The following GALNT13 variants were observed in gnomAD, a reference collection of about 807,000 sequenced individuals.
The protein encoded by GALNT13 is polypeptide N-acetylgalactosaminyltransferase 13, also known as UDP-GalNAc:polypeptide N-acetylgalactosaminyltransferase 13.
In GALNT13, 28 loss-of-function variants were observed where a neutral mutation model predicts 64.2. The observed-to-expected ratio is 0.44, with a 90% CI of 0.32 to 0.60. The LOEUF (loss-of-function observed/expected upper bound fraction) is 0.60. Among genes scored for constraint, GALNT13 ranks in the 20% least tolerant of loss-of-function variants. GALNT13 has a pLI of 0.05. For synonymous variants in GALNT13, 214 were observed against 224.6 expected (o/e 0.95, Z 0.42); for missense variants, 577 against 669.8 (o/e 0.86, Z 1.53).
At chr2:153,566,348 G>GTTTTTTTTTTTTTTTTTTTTTTT in the GALNT13 span, among the ~76,000 whole-genome samples, 133 of 74,790 alleles carry the variant, frequency 1.8e-3, 11 homozygotes, top group East Asian at 4.7e-3. Context: ...TTCTAATCAC[G>GTTTTTTTTTTTTTTTTTTTTTTT]TTTTTTTTTT....
the GALNT13 span, among the ~76,000 whole-genome samples, chr2:153,613,260 T>A: frequency 6.6e-6 from 1 of 152,178 alleles, no homozygotes; most frequent in African/African-American, 2.4e-5. Context: ...GGGCAAGAGA[T>A]CAAAGAGATT....
chr2:154,250,750 C>A (rs1248743224), intron 7 of GALNT13, among the ~76,000 whole-genome samples: 3 of 151,884 alleles, frequency 2.0e-5, no homozygotes, highest in African/African-American at 7.3e-5. Flanking sequence ...TAATTTTTAT[C>A]AGATTGTATT....
At chr2:153,618,433 T>C in the GALNT13 span, among the ~76,000 whole-genome samples, 1 of 151,942 alleles carries the variant, frequency 6.6e-6, no homozygotes, top group Non-Finnish European at 1.5e-5. Context: ...CATATTTTAT[T>C]ACCTAAAATA....
chr2:153,128,615 A>T, the GALNT13 span, among the ~76,000 whole-genome samples: 1 of 152,196 alleles, frequency 6.6e-6, no homozygotes, highest in African/African-American at 2.4e-5. Flanking sequence ...CACTCTAGTT[A>T]TATGTAAAAG....
At chr2:153,723,063 T>C in the GALNT13 span, among the ~76,000 whole-genome samples, 4 of 151,278 alleles carry the variant, frequency 2.6e-5, no homozygotes, top group Admixed American at 2.6e-4. Context: ...AATAAAATAC[T>C]GGCAAACCGA....
the GALNT13 span, among the ~76,000 whole-genome samples, chr2:153,307,170 C>T: frequency 6.6e-6 from 1 of 152,142 alleles, no homozygotes; most frequent in African/African-American, 2.4e-5. Flanking sequence ...AAACATAAAG[C>T]ATCAATTAAT....
At chr2:153,692,931 G>T in the GALNT13 span, among the ~76,000 whole-genome samples, 1 of 152,044 alleles carries the variant, frequency 6.6e-6, no homozygotes, top group Non-Finnish European at 1.5e-5. Context: ...CAGATAAAAG[G>T]CTTATGCTGA....
chr2:153,988,244 T>C (rs1694935416), intron 3 of GALNT13, among the ~76,000 whole-genome samples: 1 of 151,954 alleles, frequency 6.6e-6, no homozygotes. Context: ...ATAGTCATCC[T>C]GCTGTACAAT....
the GALNT13 span, among the ~76,000 whole-genome samples, chr2:153,377,435 G>C: frequency 6.6e-6 from 1 of 152,086 alleles, no homozygotes; most frequent in Non-Finnish European, 1.5e-5. Context: ...TTTTGGTCAT[G>C]AGGGTGGATC....
rs946798549 is a variant in GALNT13 at position 154,049,463 on chromosome 2, GTA to G, written c.143-90864_143-90863del. Among the ~76,000 whole-genome samples, 74 of 142,010 alleles carry G rather than the reference GTA, an allele frequency of 5.2e-4. No individual in the cohort carries two copies. The Middle Eastern group carries it at 0.012, about 22-fold the overall frequency. The allele number at this position is 142,010 out of a possible 152,430, so 93.2% of individuals were successfully genotyped here. A position where few individuals can be genotyped will look rare whatever the true frequency, so the allele number is the denominator to read the frequency against. Reference sequence around the variant, plus strand: ...TTCATTGTGATATATATATATAATGGTATATATATATTTCACTGTGATATGAA... The same window carrying G: ...TTCATTGTGATATATATATATAATGGTATATATATTTCACTGTGATATGAA... On this transcript the variant is annotated intron_variant, in intron 3 of 12. Coordinates refer to ENST00000392825, the MANE Select transcript of GALNT13 (RefSeq NM_052917.4).
the GALNT13 span, among the ~76,000 whole-genome samples, chr2:153,702,650 C>T: frequency 1.3e-5 from 2 of 151,862 alleles, no homozygotes; most frequent in Non-Finnish European, 2.9e-5. Context: ...AAGTTTTTGG[C>T]TAGAACAACA....
At chr2:153,463,525 C>T in the GALNT13 span, among the ~76,000 whole-genome samples, 3 of 152,060 alleles carry the variant, frequency 2.0e-5, no homozygotes, top group Admixed American at 2.0e-4. Flanking sequence ...GCCTGCAGAA[C>T]CCCTCAATCC....
the GALNT13 span, among the ~76,000 whole-genome samples, chr2:153,412,172 G>A: frequency 6.6e-6 from 1 of 152,032 alleles, no homozygotes; most frequent in African/African-American, 2.4e-5. Flanking sequence ...CCTATTGTGA[G>A]ACCTATATCT....
chr2:153,107,877 A>T, the GALNT13 span, among the ~76,000 whole-genome samples: 1 of 152,182 alleles, frequency 6.6e-6, no homozygotes, highest in African/African-American at 2.4e-5. Context: ...ATAAAAATAC[A>T]TATGTATAAT....
chr2:153,088,580 C>A, the GALNT13 span, among the ~76,000 whole-genome samples: 1 of 152,046 alleles, frequency 6.6e-6, no homozygotes, highest in Non-Finnish European at 1.5e-5. Context: ...CCACTATTAT[C>A]GTGTTGTCAC....
chr2:153,128,367 A>G, the GALNT13 span, among the ~76,000 whole-genome samples: 6 of 152,178 alleles, frequency 3.9e-5, no homozygotes, highest in Non-Finnish European at 7.3e-5. Flanking sequence ...TTGTGCAGGT[A>G]AACTCTGGTT....
the GALNT13 span, among the ~76,000 whole-genome samples, chr2:153,258,369 A>AAAAGCAAAAC: frequency 5.4e-5 from 8 of 147,042 alleles, no homozygotes; most frequent in African/African-American, 1.7e-4. Flanking sequence ...CTGGTCTCCC[A>AAAAGCAAAAC]AAAACAAAAC....
the GALNT13 span, among the ~76,000 whole-genome samples, chr2:153,220,660 T>C: frequency 6.6e-6 from 1 of 152,248 alleles, no homozygotes; most frequent in Non-Finnish European, 1.5e-5. Flanking sequence ...AACTTGGGCC[T>C]CTTCCAAGTG....
the GALNT13 span, among the ~76,000 whole-genome samples, chr2:153,665,996 C>T: frequency 6.6e-6 from 1 of 152,100 alleles, no homozygotes; most frequent in Non-Finnish European, 1.5e-5. Flanking sequence ...CTGTCAGATA[C>T]AGACAAAGCA....
Sources: gnomAD v4.1 joint callset for allele counts (sites outside exome capture counted in the v4.1 genomes callset) on GRCh38, gnomAD v4.1.1 for gene constraint, MANE v1.5 for transcripts, NCBI Gene and HGNC (gene_info 2026-07-23, HGNC 2026-07-21) for gene names.